Variants in OGDH observed in about 807,000 individuals in gnomAD.
The protein encoded by OGDH is oxoglutarate dehydrogenase.
In OGDH, 38 loss-of-function variants were observed where a neutral mutation model predicts 116.6. That is an observed-to-expected ratio of 0.33 (90% CI 0.25 to 0.43). The LOEUF (loss-of-function observed/expected upper bound fraction) is 0.43. OGDH is among the 20% of genes least tolerant of loss of function. OGDH has a pLI of 1.00. For missense variants in OGDH, 825 were observed against 1,357.2 expected, an observed-to-expected ratio of 0.61 and a Z score of 6.16; for synonymous variants, 488 against 533.3, an observed-to-expected ratio of 0.92 and a Z score of 1.17.
intron 2 of OGDH, among the ~76,000 whole-genome samples, chr7:44,640,938 A>G (rs1021312712): frequency 4.0e-5 from 6 of 151,214 alleles, no homozygotes; most frequent in Admixed American, 1.3e-4. Flanking sequence ...TCTGTCGCCA[A>G]ACTGGAGTGC....
At chr7:44,656,388 T>G (rs1185238400) in intron 4 of OGDH, 1 of 1,533,428 alleles carries the variant, frequency 6.5e-7, no homozygotes, top group South Asian at 1.2e-5. Context: ...GCTTTTCACC[T>G]TTTCAGAGTT....
At chr7:44,625,157 C>A (rs942424651) in intron 2 of OGDH, among the ~76,000 whole-genome samples, 3 of 152,108 alleles carry the variant, frequency 2.0e-5, no homozygotes, top group Non-Finnish European at 4.4e-5. Flanking sequence ...GACAGAGTCC[C>A]ACTGTTGTCC....
chr7:44,673,614 G>C (rs1037792345), intron 5 of OGDH, among the ~76,000 whole-genome samples, 173 bp from the exon 6 acceptor site: 2 of 152,222 alleles, frequency 1.3e-5, no homozygotes, highest in African/African-American at 4.8e-5. Context: ...CCTATGAAGA[G>C]GGCTTCTGCC....
intron 20 of OGDH, among the ~76,000 whole-genome samples, chr7:44,705,803 A>G (rs368915350): frequency 2.0e-5 from 3 of 152,216 alleles, no homozygotes. Context: ...GGTTACGTGC[A>G]TATGATGCGT....
chr7:44,649,916 C>T (rs1786359085), intron 4 of OGDH, among the ~76,000 whole-genome samples: 1 of 152,160 alleles, frequency 6.6e-6, no homozygotes, highest in Non-Finnish European at 1.5e-5. Context: ...TCAGCAACAA[C>T]ATCATGGTGA....
chr7:44,670,074 C>T (rs1585327605), intron 5 of OGDH, among the ~76,000 whole-genome samples: 1 of 151,976 alleles, frequency 6.6e-6, no homozygotes, highest in Non-Finnish European at 1.5e-5. Flanking sequence ...CCCTTTTCTC[C>T]TGGAGACAGG....
At chr7:44,626,346 C>G (rs1356627028) in intron 2 of OGDH, among the ~76,000 whole-genome samples, 1 of 150,086 alleles carries the variant, frequency 6.7e-6, no homozygotes, top group Non-Finnish European at 1.5e-5. Context: ...TACACACACA[C>G]ACACACACAC....
At chr7:44,661,274 C>G (rs1436001468) in intron 4 of OGDH, among the ~76,000 whole-genome samples, 1 of 152,200 alleles carries the variant, frequency 6.6e-6, no homozygotes. Flanking sequence ...GCCATTCCTA[C>G]TTACATTTGA....
intron 13 of OGDH, 122 bp downstream of exon 13, chr7:44,696,249 A>T (rs952294230): frequency 1.8e-5 from 18 of 1,028,052 alleles, no homozygotes; most frequent in Non-Finnish European, 2.3e-5. Flanking sequence ...TGTATGCACC[A>T]TTTCAGCAAA....
chr7:44,644,788 G>A (rs1438770992), intron 2 of OGDH, among the ~76,000 whole-genome samples: 1 of 152,218 alleles, frequency 6.6e-6, no homozygotes, highest in Non-Finnish European at 1.5e-5. Flanking sequence ...AAGGACATGA[G>A]CAAGGTGACC....
intron 18 of OGDH, 45 bp downstream of exon 18, chr7:44,698,308 T>G: frequency 1.9e-6 from 3 of 1,598,372 alleles, no homozygotes; most frequent in Non-Finnish European, 2.6e-6. Context: ...TCGGGGTGTC[T>G]GGTGGGAAAC....
At chr7:44,698,474 A>G (rs1562687152) in intron 18 of OGDH, among the ~76,000 whole-genome samples, 1 of 152,140 alleles carries the variant, frequency 6.6e-6, no homozygotes, top group Non-Finnish European at 1.5e-5. Context: ...AGGAAGGTGC[A>G]GGGACTGCCT....
intron 9 of OGDH, among the ~76,000 whole-genome samples, chr7:44,676,898 G>A (rs1009337664): frequency 1.3e-5 from 2 of 152,148 alleles, no homozygotes; most frequent in Non-Finnish European, 2.9e-5. Flanking sequence ...TGTCAGGAGA[G>A]TCATGCTTGC....
intron 4 of OGDH, among the ~76,000 whole-genome samples, chr7:44,655,261 A>G (rs577464846): frequency 3.3e-5 from 5 of 152,252 alleles, no homozygotes; most frequent in African/African-American, 1.2e-4. Flanking sequence ...AGATTGAAGG[A>G]GAAAATTTAA....
chr7:44,661,527 CT>C (rs1786942027), intron 4 of OGDH, among the ~76,000 whole-genome samples: 1 of 151,762 alleles, frequency 6.6e-6, no homozygotes, highest in Non-Finnish European at 1.5e-5. Flanking sequence ...CATTGCTTTG[CT>C]TTCATTTTCC....
chr7:44,702,606 T>C (rs1788883994), intron 20 of OGDH, among the ~76,000 whole-genome samples: 1 of 152,016 alleles, frequency 6.6e-6, no homozygotes, highest in Non-Finnish European at 1.5e-5. Context: ...TATTTATTTA[T>C]TTTTGAGACG....
Position 44,679,251 on chromosome 7 carries a change from C to G in OGDH, c.1207-2469C>G, listed in dbSNP as rs112414492. Among the ~76,000 whole-genome samples, 631 of 152,296 alleles carry G rather than the reference C, an allele frequency of 4.1e-3. 8 individuals carry two copies. Among genetic ancestry groups the G allele is most frequent in the African/African-American group, 0.015 (610 of 41,562 alleles). On this transcript the variant is annotated intron_variant, in intron 9 of 22. Coordinates refer to ENST00000222673, the MANE Select transcript of OGDH (RefSeq NM_002541.4). ...GAAAAGTATCTGCGGGAAGAAACAACACACTATCGGGATCAGGAAAGCATG... is the reference window on the plus strand; with the variant it reads ...GAAAAGTATCTGCGGGAAGAAACAAGACACTATCGGGATCAGGAAAGCATG...
chr7:44,627,775 C>T (rs745663688), intron 2 of OGDH, among the ~76,000 whole-genome samples: 16 of 152,160 alleles, frequency 1.1e-4, no homozygotes, highest in Non-Finnish European at 1.9e-4. Context: ...CCTCCTGGTT[C>T]AAGTGATTCT....
chr7:44,656,039 T>A (rs760576849), intron 4 of OGDH, among the ~76,000 whole-genome samples: 2 of 152,218 alleles, frequency 1.3e-5, no homozygotes, highest in Non-Finnish European at 2.9e-5. Flanking sequence ...TGACGCTGCC[T>A]GATGGCTTTC....
Sources: allele counts gnomAD v4.1 joint callset (sites outside exome capture counted in the v4.1 genomes callset), GRCh38; gene constraint gnomAD v4.1.1; transcripts MANE v1.5; gene names NCBI Gene and HGNC (gene_info 2026-07-23, HGNC 2026-07-21).